Variants in PDE4B observed in about 807,000 individuals in gnomAD.
PDE4B encodes phosphodiesterase 4B.
PDE4B carries 20 observed loss-of-function variants against 82.2 expected under a neutral mutation model. The observed-to-expected ratio is 0.24, with a 90% CI of 0.17 to 0.35. PDE4B has a LOEUF of 0.35. PDE4B is among the 10% of genes least tolerant of loss of function. The pLI, the probability that PDE4B is intolerant of heterozygous loss-of-function variation, is 1.00. For synonymous variants in PDE4B, 320 were observed against 318.9 expected, an observed-to-expected ratio of 1.00 and a Z score of -0.04; for missense variants, 655 against 907.2, an observed-to-expected ratio of 0.72 and a Z score of 3.57.
At chr1:65,948,361 A>G (rs1454714158) in intron 3 of PDE4B, among the ~76,000 whole-genome samples, 1 of 151,926 alleles carries the variant, frequency 6.6e-6, no homozygotes, top group East Asian at 1.9e-4. Flanking sequence ...CATGATCACA[A>G]GGTCCCACAA....
intron 3 of PDE4B, among the ~76,000 whole-genome samples, chr1:66,205,546 C>A (rs188161065): frequency 1.3e-5 from 2 of 152,264 alleles, no homozygotes; most frequent in African/African-American, 4.8e-5. Flanking sequence ...ACAGCAGTGA[C>A]AATAGGTAGT....
At chr1:65,850,254 G>A (rs1287235987) in intron 1 of PDE4B, among the ~76,000 whole-genome samples, 4 of 151,268 alleles carry the variant, frequency 2.6e-5, no homozygotes, top group Admixed American at 2.6e-4. Context: ...CTGCCACCAT[G>A]CCCAGCTAAT....
intron 7 of PDE4B, among the ~76,000 whole-genome samples, chr1:66,280,575 G>A (rs1195250330): frequency 2.0e-5 from 3 of 152,054 alleles, no homozygotes; most frequent in Non-Finnish European, 4.4e-5. Context: ...AAACAAATTG[G>A]AAATTTGAAT....
intron 3 of PDE4B, among the ~76,000 whole-genome samples, chr1:65,953,863 TAATAA>T (rs1644055070): frequency 6.6e-6 from 1 of 152,074 alleles, no homozygotes; most frequent in African/African-American, 2.4e-5. Flanking sequence ...TTTGGGTGAA[TAATAA>T]AATAAAGAAT....
chr1:65,915,206 AG>A (rs1647145814), intron 2 of PDE4B, among the ~76,000 whole-genome samples: 1 of 152,192 alleles, frequency 6.6e-6, no homozygotes, highest in Admixed American at 6.5e-5. Context: ...ATTGTTTCAA[AG>A]AAGGGAAAAT....
At chr1:66,288,567 G>A (rs569827541) in intron 7 of PDE4B, among the ~76,000 whole-genome samples, 5 of 152,238 alleles carry the variant, frequency 3.3e-5, no homozygotes, top group South Asian at 4.1e-4. Flanking sequence ...GTTAAAGAAC[G>A]TGAAGTTTGA....
chr1:66,127,002 G>A (rs906358273), intron 3 of PDE4B, among the ~76,000 whole-genome samples: 1 of 152,006 alleles, frequency 6.6e-6, no homozygotes, highest in African/African-American at 2.4e-5. Context: ...AAAGAAAGAG[G>A]GGGGAACTAT....
intron 1 of PDE4B, among the ~76,000 whole-genome samples, chr1:65,806,831 G>A (rs1366382436): frequency 6.6e-6 from 1 of 152,098 alleles, no homozygotes. Flanking sequence ...TCTCTCTGAC[G>A]GCAGTTGTAA....
At chr1:66,184,134 G>T (rs1391515440) in intron 3 of PDE4B, among the ~76,000 whole-genome samples, 2 of 152,112 alleles carry the variant, frequency 1.3e-5, no homozygotes, top group African/African-American at 4.8e-5. Flanking sequence ...AAATGCCAGG[G>T]TGAGAAGTTT....
chr1:66,210,521 G>A (rs536944121), intron 3 of PDE4B, among the ~76,000 whole-genome samples: 2 of 149,640 alleles, frequency 1.3e-5, no homozygotes, highest in African/African-American at 4.9e-5. Flanking sequence ...GCTTGAACCC[G>A]GGAAGCGTAG....
At chr1:65,851,500 C>T (rs554976159) in intron 1 of PDE4B, among the ~76,000 whole-genome samples, 5 of 151,918 alleles carry the variant, frequency 3.3e-5, no homozygotes, top group Non-Finnish European at 5.9e-5. Context: ...TTAGGTCTTT[C>T]TTTCCACAGT....
chr1:66,032,099 G>A (rs751774547), intron 3 of PDE4B, among the ~76,000 whole-genome samples: 1 of 152,228 alleles, frequency 6.6e-6, no homozygotes, highest in Non-Finnish European at 1.5e-5. Context: ...CCAACAGCAG[G>A]TAGCTGAACT....
At chr1:65,832,328 C>G (rs1250172454) in intron 1 of PDE4B, among the ~76,000 whole-genome samples, 1 of 152,084 alleles carries the variant, frequency 6.6e-6, no homozygotes, top group Non-Finnish European at 1.5e-5. Flanking sequence ...ACTGAAATAA[C>G]TTTTGGCTAA....
At chr1:65,913,420 A>G in intron 2 of PDE4B, 64 bp downstream of exon 2, 1 of 1,506,700 alleles carries the variant, frequency 6.6e-7, no homozygotes, top group Non-Finnish European at 9.2e-7. Context: ...GGATAATTCT[A>G]TTCAAAGGGC....
intron 7 of PDE4B, chr1:66,331,919 G>A (rs957594045): frequency 4.0e-6 from 4 of 992,332 alleles, no homozygotes; most frequent in Non-Finnish European, 4.8e-6. Flanking sequence ...ACTTGTGCGG[G>A]TCAGTGTTCG....
intron 3 of PDE4B, among the ~76,000 whole-genome samples, chr1:65,962,264 C>G (rs1408766769): frequency 6.6e-6 from 1 of 152,158 alleles, no homozygotes; most frequent in Non-Finnish European, 1.5e-5. Flanking sequence ...CCTTTCACAA[C>G]TTCCTAAGGT....
chr1:66,096,515 T>TATATATAC (rs1645119935), intron 3 of PDE4B, among the ~76,000 whole-genome samples: 1 of 136,306 alleles, frequency 7.3e-6, no homozygotes, highest in Admixed American at 7.3e-5. Flanking sequence ...AAATTATATA[T>TATATATAC]ATATATATAT....
chr1:66,027,135 G>C (rs1204442443), intron 3 of PDE4B, among the ~76,000 whole-genome samples: 1 of 152,118 alleles, frequency 6.6e-6, no homozygotes, highest in Non-Finnish European at 1.5e-5. Flanking sequence ...TCATGCTGCT[G>C]ATAAAGACAT....
At chr1:66,001,907 G>A (rs1025671442) in intron 3 of PDE4B, among the ~76,000 whole-genome samples, 5 of 151,924 alleles carry the variant, frequency 3.3e-5, no homozygotes, top group Non-Finnish European at 5.9e-5. Flanking sequence ...ATTTTTTGTA[G>A]AGATAGGTTT....
Sources: allele counts gnomAD v4.1 joint callset (sites outside exome capture counted in the v4.1 genomes callset), GRCh38; gene constraint gnomAD v4.1.1; transcripts MANE v1.5; gene names NCBI Gene and HGNC (gene_info 2026-07-23, HGNC 2026-07-21).